Variants in TNS3 observed in about 807,000 individuals in gnomAD.
TNS3 encodes tensin-3.
A neutral mutation model predicts 140.9 loss-of-function variants in TNS3; 45 were observed. The ratio of observed to expected loss-of-function variants is 0.32; its 90% CI spans 0.25 to 0.41. The LOEUF is 0.41. Ranked by LOEUF, TNS3 falls within the 10% of genes least tolerant of loss-of-function variation. The pLI, the probability that TNS3 is intolerant of heterozygous loss-of-function variation, is 1.00. For missense variants in TNS3, 1,716 were observed against 1,906.7 expected, an observed-to-expected ratio of 0.90 and a Z score of 1.86; for synonymous variants, 815 against 788.4, an observed-to-expected ratio of 1.03 and a Z score of -0.56.
chr7:47,391,663 G>A (rs1792525066), intron 16 of TNS3, among the ~76,000 whole-genome samples: 1 of 152,230 alleles, frequency 6.6e-6, no homozygotes, highest in Non-Finnish European at 1.5e-5. Context: ...GAGCCTCCCT[G>A]AAGAGTACTG....
chr7:47,405,498 C>A, intron 13 of TNS3: 1 of 702,962 alleles, frequency 1.4e-6, no homozygotes, highest in Non-Finnish European at 2.6e-6. Context: ...CAACACTAAC[C>A]ATGATTTCTT....
intron 2 of TNS3, among the ~76,000 whole-genome samples, chr7:47,519,426 C>T (rs1023644109): frequency 6.6e-5 from 10 of 152,204 alleles, no homozygotes; most frequent in Non-Finnish European, 1.3e-4. Flanking sequence ...TAATTGTCTC[C>T]TTCAAATACA....
chr7:47,361,219 A>AAAAAAAAAAAAAAAAAAAAAC, intron 17 of TNS3, among the ~76,000 whole-genome samples: 1 of 148,256 alleles, frequency 6.7e-6, no homozygotes, highest in Non-Finnish European at 1.5e-5. Flanking sequence ...AAAAAAAAAA[A>AAAAAAAAAAAAAAAAAAAAAC]AAAAACAAGC....
intron 3 of TNS3, among the ~76,000 whole-genome samples, chr7:47,499,874 A>G (rs1798146344): frequency 4.6e-5 from 7 of 152,106 alleles, no homozygotes; most frequent in Admixed American, 4.6e-4. Flanking sequence ...CTGGCTCATC[A>G]ATTCTAACAA....
chr7:47,307,104 C>T (rs914616494), intron 20 of TNS3, among the ~76,000 whole-genome samples: 2 of 152,126 alleles, frequency 1.3e-5, no homozygotes, highest in South Asian at 2.1e-4. Flanking sequence ...CATATGTAAA[C>T]GTCCATGAAA....
intron 1 of TNS3, among the ~76,000 whole-genome samples, chr7:47,564,652 A>AAAAAC (rs1800390602): frequency 2.0e-5 from 3 of 148,468 alleles, no homozygotes; most frequent in Non-Finnish European, 3.0e-5. Flanking sequence ...AAAAAAAACA[A>AAAAAC]AAAAAAACAA....
chr7:47,534,588 C>T (rs1799534710), intron 1 of TNS3, among the ~76,000 whole-genome samples: 1 of 152,150 alleles, frequency 6.6e-6, no homozygotes, highest in Non-Finnish European at 1.5e-5. Flanking sequence ...AACCCCCCAC[C>T]CCAGCTCCAT....
At chr7:47,436,588 TA>T (rs928689714) in intron 7 of TNS3, among the ~76,000 whole-genome samples, 1 of 152,086 alleles carries the variant, frequency 6.6e-6, no homozygotes, top group Non-Finnish European at 1.5e-5. Flanking sequence ...TCCCAGAACT[TA>T]AAGTAAAATT....
At chr7:47,424,248 C>T (rs1325421122) in intron 9 of TNS3, 64 bp from the exon 10 acceptor site, 16 of 1,537,810 alleles carry the variant, frequency 1.0e-5, no homozygotes, top group Admixed American at 5.1e-5. Context: ...GGGTACTTGA[C>T]GGGGGATGTG....
At chr7:47,472,880 C>A (rs1797014787) in intron 4 of TNS3, among the ~76,000 whole-genome samples, 1 of 152,186 alleles carries the variant, frequency 6.6e-6, no homozygotes, top group Non-Finnish European at 1.5e-5. Flanking sequence ...GACGCAGCAG[C>A]TGGGAGATGG....
At chr7:47,298,837 C>A (rs1786209842) in intron 23 of TNS3, among the ~76,000 whole-genome samples, 1 of 152,236 alleles carries the variant, frequency 6.6e-6, no homozygotes, top group Admixed American at 6.5e-5. Flanking sequence ...TGGCCCTGTG[C>A]ACAGGATGAG....
At chr7:47,511,730 C>T (rs1798614969) in intron 2 of TNS3, among the ~76,000 whole-genome samples, 3 of 152,240 alleles carry the variant, frequency 2.0e-5, no homozygotes, top group Admixed American at 6.5e-5. Context: ...CTTCCCACTC[C>T]TGTAAACGAA....
intron 2 of TNS3, among the ~76,000 whole-genome samples, chr7:47,514,129 G>A (rs1306890896): frequency 1.3e-5 from 2 of 152,220 alleles, no homozygotes; most frequent in African/African-American, 4.8e-5. Context: ...AGCATCAACT[G>A]TCAAGTTTGC....
chr7:47,381,376 A>G (rs1791749019), intron 16 of TNS3, among the ~76,000 whole-genome samples: 1 of 152,204 alleles, frequency 6.6e-6, no homozygotes, highest in Non-Finnish European at 1.5e-5. Context: ...TTCTGTGTTC[A>G]GTGTAGCAGA....
At chr7:47,331,610 A>G (rs1340120411) in intron 20 of TNS3, among the ~76,000 whole-genome samples, 5 of 152,210 alleles carry the variant, frequency 3.3e-5, no homozygotes, top group Non-Finnish European at 5.9e-5. Flanking sequence ...GAAGCATCAG[A>G]AAAGTTTACT....
At position 47,341,865 on chromosome 7, in the gene TNS3, T is replaced by C. The variant is rs1789037301; in HGVS notation, c.2650+2890A>G. ...AAATTTCCTCTCAGTGCGGCTGTAT[T>C]AAAGCAGTGGATAAAGCCATGTCTC... On this transcript the variant is annotated intron_variant, in intron 20 of 30. Transcript: ENST00000311160. Among the ~76,000 whole-genome samples, 3 of 152,218 alleles carry C rather than the reference T, an allele frequency of 2.0e-5. No individual in the cohort carries two copies. In the South Asian group the frequency reaches 6.2e-4, roughly 32 times the overall value.
chr7:47,449,812 G>T (rs1027463791), intron 4 of TNS3, among the ~76,000 whole-genome samples: 3 of 152,140 alleles, frequency 2.0e-5, no homozygotes, highest in Non-Finnish European at 2.9e-5. Flanking sequence ...CACCATGTTG[G>T]CCAGGCTGGT....
intron 20 of TNS3, among the ~76,000 whole-genome samples, chr7:47,310,838 T>G (rs949395095): frequency 1.3e-5 from 2 of 152,210 alleles, no homozygotes; most frequent in African/African-American, 4.8e-5. Flanking sequence ...TCTGTCCTTG[T>G]GATAGTTTGC....
intron 3 of TNS3, among the ~76,000 whole-genome samples, chr7:47,489,655 A>G (rs768714584): frequency 1.8e-4 from 28 of 152,254 alleles, no homozygotes; most frequent in Non-Finnish European, 2.5e-4. Context: ...AAAGCATAGT[A>G]TCCTGTATCC....
Sources: gnomAD v4.1 joint callset for allele counts (sites outside exome capture counted in the v4.1 genomes callset) on GRCh38, gnomAD v4.1.1 for gene constraint, MANE v1.5 for transcripts, NCBI Gene and HGNC (gene_info 2026-07-23, HGNC 2026-07-21) for gene names.